CTNND2: variants seen among roughly 807,000 people sequenced by gnomAD.
The protein encoded by CTNND2 is catenin delta 2, also known as catenin delta-2.
CTNND2 carries 22 observed loss-of-function variants against 144.4 expected under a neutral mutation model. The observed-to-expected ratio is 0.15, with a 90% CI of 0.11 to 0.22. The LOEUF (loss-of-function observed/expected upper bound fraction) is 0.22. CTNND2 is among the 10% of genes least tolerant of loss of function. CTNND2 has a pLI of 1.00. For missense variants in CTNND2, 1,353 were observed against 1,618.8 expected (o/e 0.84, Z 2.82); for synonymous variants, 751 against 695.6 (o/e 1.08, Z -1.25).
At chr5:11,509,871 A>C (rs1771468026) in intron 3 of CTNND2, among the ~76,000 whole-genome samples, 1 of 152,196 alleles carries the variant, frequency 6.6e-6, no homozygotes, top group South Asian at 2.1e-4. Flanking sequence ...AGAAATGCTT[A>C]CTGTAACTTT....
At chr5:11,087,741 A>G (rs1164192040) in intron 15 of CTNND2, among the ~76,000 whole-genome samples, 2 of 152,210 alleles carry the variant, frequency 1.3e-5, no homozygotes, top group Admixed American at 1.3e-4. Flanking sequence ...CAACTATTGC[A>G]TGTTTAGTGT....
intron 3 of CTNND2, among the ~76,000 whole-genome samples, chr5:11,467,525 T>C (rs768415784): frequency 2.0e-5 from 3 of 152,210 alleles, no homozygotes; most frequent in Non-Finnish European, 4.4e-5. Context: ...TGTCAAGAAT[T>C]TGTGGCATGT....
chr5:11,889,697 C>G (rs1244423259), intron 1 of CTNND2, among the ~76,000 whole-genome samples: 1 of 152,166 alleles, frequency 6.6e-6, no homozygotes, highest in African/African-American at 2.4e-5. Flanking sequence ...CAGATACAGA[C>G]ATTTCTTATA....
intron 10 of CTNND2, among the ~76,000 whole-genome samples, chr5:11,200,325 G>C (rs1352010564): frequency 2.6e-5 from 4 of 152,180 alleles, no homozygotes; most frequent in African/African-American, 9.7e-5. Flanking sequence ...TCTTTTATAA[G>C]TAAATGCAAA....
intron 7 of CTNND2, among the ~76,000 whole-genome samples, chr5:11,370,199 T>C (rs1249577213): frequency 1.3e-5 from 2 of 151,222 alleles, no homozygotes; most frequent in Non-Finnish European, 2.9e-5. Context: ...TACATTTCAA[T>C]TTTCATTCCT....
At chr5:11,566,316 C>G (rs1003727753) in intron 2 of CTNND2, among the ~76,000 whole-genome samples, 1 of 152,186 alleles carries the variant, frequency 6.6e-6, no homozygotes, top group Non-Finnish European at 1.5e-5. Flanking sequence ...CTTACATATT[C>G]TGAAGGGCAT....
rs530858613 is a variant in CTNND2, at chr5:11,787,774, C to T, written c.38-55502G>A. ...ATGGATTACTTTGTACAGTTATTCT[C>T]GAGCTTTTAGTAGGTAAAGATAAAA... On this transcript the variant is annotated intron_variant, in intron 1 of 21. Transcript: ENST00000304623. 5.9e-5 allele frequency among the ~76,000 whole-genome samples: 9 copies of T among 152,238 alleles called. No individual in the cohort carries two copies. The East Asian group carries it at 1.5e-3, about 26-fold the overall frequency.
intron 1 of CTNND2, among the ~76,000 whole-genome samples, chr5:11,855,050 C>A (rs544643405): frequency 6.6e-6 from 1 of 152,142 alleles, no homozygotes; most frequent in African/African-American, 2.4e-5. Flanking sequence ...CAAAATAAAT[C>A]TGATTAAGAC....
chr5:11,607,284 C>T (rs747668907), intron 2 of CTNND2, among the ~76,000 whole-genome samples: 1 of 152,100 alleles, frequency 6.6e-6, no homozygotes, highest in Non-Finnish European at 1.5e-5. Flanking sequence ...TTAATAGCAG[C>T]CCTAACAAAC....
chr5:11,246,099 C>T (rs1051433873), intron 9 of CTNND2, among the ~76,000 whole-genome samples: 9 of 152,182 alleles, frequency 5.9e-5, no homozygotes, highest in African/African-American at 1.4e-4. Context: ...ATGGCCACTG[C>T]GTGTTTGTCC....
intron 11 of CTNND2, among the ~76,000 whole-genome samples, chr5:11,176,452 C>A (rs1423807042): frequency 1.3e-5 from 2 of 152,088 alleles, no homozygotes; most frequent in Non-Finnish European, 2.9e-5. Flanking sequence ...GTTTCCATGG[C>A]AAACTCTTGT....
intron 1 of CTNND2, among the ~76,000 whole-genome samples, chr5:11,820,180 GAC>G (rs1793236120): frequency 1.3e-5 from 2 of 152,298 alleles, no homozygotes; most frequent in African/African-American, 2.4e-5. Context: ...CATGGTTATT[GAC>G]ACAGTCTATG....
intron 1 of CTNND2, among the ~76,000 whole-genome samples, chr5:11,855,613 T>C (rs993870818): frequency 6.6e-6 from 1 of 152,228 alleles, no homozygotes; most frequent in Admixed American, 6.5e-5. Flanking sequence ...AAGCCACTTT[T>C]AACTCATCTT....
chr5:11,624,109 G>A (rs954211586), intron 2 of CTNND2, among the ~76,000 whole-genome samples: 34 of 151,808 alleles, frequency 2.2e-4, no homozygotes, highest in African/African-American at 8.2e-4. Flanking sequence ...TAATACACTC[G>A]TTAATAAGTG....
chr5:11,425,348 T>G (rs770255024), intron 3 of CTNND2, among the ~76,000 whole-genome samples: 3 of 152,208 alleles, frequency 2.0e-5, no homozygotes, highest in Admixed American at 2.0e-4. Context: ...GTCTCCTTGA[T>G]TGACTACATG....
intron 9 of CTNND2, among the ~76,000 whole-genome samples, chr5:11,281,377 T>C (rs1747096041): frequency 6.6e-6 from 1 of 152,192 alleles, no homozygotes; most frequent in East Asian, 1.9e-4. Context: ...TCACGAGAGG[T>C]GTTAGTGCTA....
At chr5:11,815,594 C>T (rs930556098) in intron 1 of CTNND2, among the ~76,000 whole-genome samples, 3 of 151,952 alleles carry the variant, frequency 2.0e-5, no homozygotes, top group African/African-American at 7.3e-5. Flanking sequence ...GTAGTAACTA[C>T]TACACACTGT....
chr5:11,836,640 C>T (rs1794196928), intron 1 of CTNND2, among the ~76,000 whole-genome samples: 1 of 151,520 alleles, frequency 6.6e-6, no homozygotes, highest in South Asian at 2.1e-4. Flanking sequence ...GGAAATACAT[C>T]ATCTCTTATC....
intron 9 of CTNND2, among the ~76,000 whole-genome samples, chr5:11,301,051 G>A (rs1269483545): frequency 6.6e-6 from 1 of 151,988 alleles, no homozygotes; most frequent in Non-Finnish European, 1.5e-5. Context: ...GCATGGGCTG[G>A]GCTGGGCTGG....
Sources: gnomAD v4.1 joint callset for allele counts (sites outside exome capture counted in the v4.1 genomes callset) on GRCh38, gnomAD v4.1.1 for gene constraint, MANE v1.5 for transcripts, NCBI Gene and HGNC (gene_info 2026-07-23, HGNC 2026-07-21) for gene names.